The following ANKRD13C variants were observed in gnomAD, a reference collection of about 807,000 sequenced individuals.
ANKRD13C encodes ankyrin repeat domain-containing protein 13C.
A neutral mutation model predicts 65.5 loss-of-function variants in ANKRD13C; 16 were observed. That is an observed-to-expected ratio of 0.24 (90% CI 0.17 to 0.37). The LOEUF (loss-of-function observed/expected upper bound fraction) is 0.37, where lower values mean the gene tolerates loss of function less well. ANKRD13C is among the 10% of genes least tolerant of loss of function. The pLI, the probability that ANKRD13C is intolerant of heterozygous loss-of-function variation, is 1.00. For synonymous variants in ANKRD13C, 235 were observed against 238.7 expected, an observed-to-expected ratio of 0.98 and a Z score of 0.14; for missense variants, 503 against 655.9, an observed-to-expected ratio of 0.77 and a Z score of 2.55.
chr1:70,319,362 T>C (rs1279402815), intron 3 of ANKRD13C, among the ~76,000 whole-genome samples: 1 of 152,054 alleles, frequency 6.6e-6, no homozygotes, highest in Non-Finnish European at 1.5e-5. Context: ...TCTCAGCACT[T>C]TGGGAGGCCG....
chr1:70,325,029 G>C (rs2101538508), intron 2 of ANKRD13C, 72 bp from the exon 3 acceptor site: 1 of 1,040,174 alleles, frequency 9.6e-7, no homozygotes, highest in East Asian at 2.8e-5. Flanking sequence ...ATATATAAAA[G>C]TTTAATAAAC....
chr1:70,330,973 A>G (rs1011623048), intron 2 of ANKRD13C, among the ~76,000 whole-genome samples: 2 of 152,188 alleles, frequency 1.3e-5, no homozygotes, highest in African/African-American at 4.8e-5. Context: ...ATATTAGTCA[A>G]TGGACTCAGA....
Position 70,299,957 on chromosome 1 carries a change from A to C in ANKRD13C, c.921+807T>G, listed in dbSNP as rs545272312. Reference sequence around the variant, plus strand: ...AAGGGCATATCAATGGTTTTTTAACACAAAGATATGGCATGAGAGAAGGAA... The same window carrying C: ...AAGGGCATATCAATGGTTTTTTAACCCAAAGATATGGCATGAGAGAAGGAA... On this transcript the variant is annotated intron_variant, in intron 7 of 12. Transcript: ENST00000370944. 4.6e-5 allele frequency among the ~76,000 whole-genome samples: 7 copies of C among 152,364 alleles called. No homozygotes were observed. The East Asian group carries it at 1.3e-3, about 29-fold the overall frequency.
At chr1:70,280,813 A>G (rs745370736) in intron 9 of ANKRD13C, among the ~76,000 whole-genome samples, 12 of 152,158 alleles carry the variant, frequency 7.9e-5, no homozygotes, top group Non-Finnish European at 1.5e-4. Context: ...GATTCAATCT[A>G]TTTCAGGGTG....
At chr1:70,267,034 T>C (rs916700685) in intron 12 of ANKRD13C, among the ~76,000 whole-genome samples, 3 of 152,208 alleles carry the variant, frequency 2.0e-5, no homozygotes, top group African/African-American at 7.2e-5. Flanking sequence ...GTGTTGAGTC[T>C]CCAGTTATAA....
chr1:70,295,076 TC>T (rs1296990237), intron 8 of ANKRD13C, among the ~76,000 whole-genome samples: 2 of 152,116 alleles, frequency 1.3e-5, no homozygotes, highest in Non-Finnish European at 2.9e-5. Flanking sequence ...ATGCTATTTT[TC>T]TTATTTCTCC....
intron 9 of ANKRD13C, among the ~76,000 whole-genome samples, chr1:70,277,372 G>C (rs1679186434): frequency 6.6e-6 from 1 of 151,668 alleles, no homozygotes; most frequent in Admixed American, 6.6e-5. Context: ...GCAGAGAATT[G>C]CTTGAATCTA....
intron 7 of ANKRD13C, among the ~76,000 whole-genome samples, chr1:70,298,541 A>G (rs1475277293): frequency 1.3e-5 from 2 of 152,094 alleles, no homozygotes; most frequent in Non-Finnish European, 2.9e-5. Flanking sequence ...TAATACCTTA[A>G]AACTGGTACC....
intron 3 of ANKRD13C, among the ~76,000 whole-genome samples, 170 bp downstream of exon 3, chr1:70,324,683 T>A (rs1192392053): frequency 6.6e-6 from 1 of 152,256 alleles, no homozygotes. Flanking sequence ...CAACTCTTTC[T>A]GGGTTCCACT....
At chr1:70,338,075 G>C (rs1195409860) in intron 1 of ANKRD13C, among the ~76,000 whole-genome samples, 1 of 151,940 alleles carries the variant, frequency 6.6e-6, no homozygotes, top group East Asian at 1.9e-4. Flanking sequence ...CTCCAGCCTG[G>C]GCAAGAAGAG....
At position 70,285,497 on chromosome 1, in the gene ANKRD13C, A is replaced by G. The variant is rs111806892; in HGVS notation, c.1215+6891T>C. On this transcript the variant is annotated intron_variant, in intron 9 of 12. Transcript: ENST00000370944. ...GGCGTAAGCCACTGCACCCAGCTAT[A>G]ATGACTTTTAAAACTTTAAATTTTC... Among the ~76,000 whole-genome samples, 3 of 152,024 alleles carry G rather than the reference A, an allele frequency of 2.0e-5. 1 individual carries two copies. Among genetic ancestry groups the G allele is most frequent in the African/African-American group, 4.8e-5 (2 of 41,458 alleles).
intron 7 of ANKRD13C, among the ~76,000 whole-genome samples, chr1:70,300,314 G>A (rs754387809): frequency 1.2e-4 from 18 of 152,102 alleles, no homozygotes; most frequent in South Asian, 2.1e-4. Flanking sequence ...TAGGCCAGGC[G>A]CAGTGGCTCA....
At chr1:70,349,128 C>T (rs1243313073) in intron 1 of ANKRD13C, among the ~76,000 whole-genome samples, 1 of 152,148 alleles carries the variant, frequency 6.6e-6, no homozygotes, top group Non-Finnish European at 1.5e-5. Context: ...ATTCTCAATT[C>T]TCAATAAGTA....
At chr1:70,337,840 C>T (rs1050923865) in intron 1 of ANKRD13C, among the ~76,000 whole-genome samples, 6 of 152,170 alleles carry the variant, frequency 3.9e-5, no homozygotes, top group African/African-American at 1.4e-4. Context: ...TGGCTCACGC[C>T]TGTAATCCCA....
rs201846288 is a variant in ANKRD13C, at chr1:70,262,716, G to A, written c.*1C>T. 21 of 1,611,822 alleles carry A rather than the reference G, an allele frequency of 1.3e-5. No individual in the cohort carries two copies. In the East Asian group the frequency reaches 4.0e-4, roughly 31 times the overall value. ...TTAGACGGCATCCTTTTCCACGTCA[G>A]TTAAAGATCAGGAAAACGGCTTGGG... On this transcript the variant is annotated 3_prime_UTR_variant, in exon 13 of 13. Coordinates refer to ENST00000370944, the MANE Select transcript of ANKRD13C (RefSeq NM_030816.5).
In ANKRD13C at chr1:70,282,386, G is replaced by A. The variant is rs75145721; in HGVS notation, c.1216-5542C>T. Among the ~76,000 whole-genome samples the A allele has an allele frequency of 8.3e-3, 1,260 of 152,080 alleles. 18 individuals are homozygous for A. Among genetic ancestry groups the A allele is most frequent in the African/African-American group, 0.029 (1,200 of 41,480 alleles). On this transcript the variant is annotated intron_variant, in intron 9 of 12. Transcript: ENST00000370944. The stretch of plus-strand genomic sequence containing the variant: ...ATCATCTTATACCATGTGGATGCAA[G>A]GCCACATCCTAGGAATGGCAGAGAA...
intron 1 of ANKRD13C, among the ~76,000 whole-genome samples, chr1:70,343,394 G>A (rs1572177647): frequency 2.0e-5 from 3 of 152,064 alleles, no homozygotes; most frequent in Admixed American, 6.6e-5. Context: ...TTACACAAAG[G>A]ATAATAAAAA....
chr1:70,328,884 G>A lies in ANKRD13C; in HGVS notation c.473-3927C>T, dbSNP rs958221671. 1.2e-4 allele frequency among the ~76,000 whole-genome samples: 19 copies of A among 152,094 alleles called. No individual in the cohort carries two copies. In the South Asian group the frequency reaches 2.9e-3, roughly 23 times the overall value. On this transcript the variant is annotated intron_variant, in intron 2 of 12. Coordinates refer to ENST00000370944, the MANE Select transcript of ANKRD13C (RefSeq NM_030816.5). ...TTTTTTAAAAAGAATAAAAACAAAC[G>A]GACCCATCTCCCAAAAAACCATTGG...
In ANKRD13C at chr1:70,292,682, T is replaced by A. The variant is rs563813543; in HGVS notation, c.1054-133A>T. 3.0e-4 allele frequency: 197 copies of A among 654,370 alleles called. 5 individuals carry two copies. In the South Asian group the frequency reaches 4.3e-3, roughly 14 times the overall value. The allele number at this position is 654,370 out of a possible 1,614,324, so 40.5% of individuals were successfully genotyped here. A position where few individuals can be genotyped will look rare whatever the true frequency, so the allele number is the denominator to read the frequency against. ...TTTGGTACTTGAAATTATCAAACTA[T>A]CTTACATTTTCTAGGTTATACAACA... is the stretch of plus-strand genomic sequence containing the variant. On this transcript the variant is annotated intron_variant, in intron 8 of 12. Transcript: ENST00000370944.
Sources: allele counts gnomAD v4.1 joint callset (sites outside exome capture counted in the v4.1 genomes callset), GRCh38; gene constraint gnomAD v4.1.1; transcripts MANE v1.5; gene names NCBI Gene and HGNC (gene_info 2026-07-23, HGNC 2026-07-21).